Variants in LRP12 observed in about 807,000 individuals in gnomAD.
The protein encoded by LRP12 is LDL receptor related protein 12.
In LRP12, 14 loss-of-function variants were observed where a neutral mutation model predicts 66.0. The observed-to-expected ratio is 0.21, with a 90% confidence interval of 0.14 to 0.33. The LOEUF is 0.33. LRP12 is among the 10% of genes least tolerant of loss of function. The probability of loss-of-function intolerance (pLI) is 1.00; values close to 1 mark genes in which losing one functional copy is unlikely to be tolerated. For missense variants in LRP12, 889 were observed against 1,053.4 expected, an observed-to-expected ratio of 0.84 and a Z score of 2.16; for synonymous variants, 357 against 359.1, an observed-to-expected ratio of 0.99 and a Z score of 0.07.
intron 2 of LRP12, among the ~76,000 whole-genome samples, chr8:104,527,342 A>G (rs1811253958): frequency 6.7e-6 from 1 of 149,716 alleles, no homozygotes; most frequent in Non-Finnish European, 1.5e-5. Flanking sequence ...GTATATACTC[A>G]AAGGACTATA....
At chr8:104,534,227 GA>G (rs1811365278) in intron 1 of LRP12, among the ~76,000 whole-genome samples, 1 of 151,982 alleles carries the variant, frequency 6.6e-6, no homozygotes, top group African/African-American at 2.4e-5. Flanking sequence ...AGTAAAGTAT[GA>G]TTTAATTTTA....
chr8:104,540,557 C>T (rs1045886378), intron 1 of LRP12, among the ~76,000 whole-genome samples: 1 of 151,998 alleles, frequency 6.6e-6, no homozygotes, highest in Non-Finnish European at 1.5e-5. Context: ...AGATATTTTC[C>T]TGATTGATTT....
chr8:104,554,801 T>C (rs1019346293), intron 1 of LRP12, among the ~76,000 whole-genome samples: 5 of 152,118 alleles, frequency 3.3e-5, no homozygotes, highest in African/African-American at 1.2e-4. Context: ...CATAAAAAGA[T>C]CATCACCTAG....
chr8:104,531,345 G>T (rs1047064906), intron 2 of LRP12, among the ~76,000 whole-genome samples: 21 of 152,044 alleles, frequency 1.4e-4, no homozygotes, highest in African/African-American at 5.1e-4. Flanking sequence ...AAGTCTTTAA[G>T]TAATTATAAA....
At chr8:104,550,646 A>G (rs1811711598) in intron 1 of LRP12, among the ~76,000 whole-genome samples, 2 of 151,912 alleles carry the variant, frequency 1.3e-5, no homozygotes, top group Admixed American at 6.6e-5. Flanking sequence ...CCTTCCCTTC[A>G]TGCACTATAT....
intron 3 of LRP12, among the ~76,000 whole-genome samples, chr8:104,501,031 C>A (rs1431233134): frequency 2.6e-5 from 4 of 152,138 alleles, no homozygotes; most frequent in African/African-American, 9.7e-5. Context: ...AGATTGAAAT[C>A]CTTTTCCAAT....
At chr8:104,498,673 T>C (rs555162287) in intron 4 of LRP12, among the ~76,000 whole-genome samples, 2 of 152,328 alleles carry the variant, frequency 1.3e-5, no homozygotes, top group East Asian at 1.9e-4. Context: ...CTATTGAGAA[T>C]AGTGCTGCAA....
At chr8:104,555,710 A>C (rs545648595) in intron 1 of LRP12, among the ~76,000 whole-genome samples, 1 of 152,288 alleles carries the variant, frequency 6.6e-6, no homozygotes, top group South Asian at 2.1e-4. Flanking sequence ...ACACAATATT[A>C]GTGGCAGACT....
At chr8:104,511,950 A>AAG (rs1353686012) in intron 2 of LRP12, among the ~76,000 whole-genome samples, 2 of 152,092 alleles carry the variant, frequency 1.3e-5, no homozygotes, top group African/African-American at 4.8e-5. Flanking sequence ...CCCTTACAAA[A>AAG]AAGTTTTAAT....
intron 1 of LRP12, among the ~76,000 whole-genome samples, chr8:104,555,336 G>A (rs2140883368): frequency 6.6e-6 from 1 of 152,224 alleles, no homozygotes; most frequent in East Asian, 1.9e-4. Context: ...AACATCGAAG[G>A]TAAATGGCCT....
In LRP12 at chr8:104,589,152, G is replaced by GGGGCAA. The variant is rs1812395421; in HGVS notation, c.-261_-256dup. 1.0e-5 allele frequency: 2 copies of GGGGCAA among 199,362 alleles called. 1 individual carries two copies. Among genetic ancestry groups the GGGGCAA allele is most frequent in the Non-Finnish European group, 2.0e-5 (2 of 99,694 alleles). The allele number at this position is 199,362 out of a possible 1,614,324, so 12.3% of individuals were successfully genotyped here. ...AGCCCCACGCGGGGCGGCCCTCCTG[G>GGGGCAA]GGGCAAGGGCAAGGAGCTCGCGCGC... On this transcript the variant is annotated 5_prime_UTR_variant, in exon 1 of 7. Transcript: ENST00000276654.
chr8:104,582,635 G>A (rs1055927146), intron 1 of LRP12, among the ~76,000 whole-genome samples: 6 of 152,070 alleles, frequency 3.9e-5, no homozygotes, highest in Non-Finnish European at 7.4e-5. Flanking sequence ...CAAAATGACT[G>A]CCCTCAGAAC....
chr8:104,499,619 G>T, intron 3 of LRP12, 100 bp from the exon 4 acceptor site: 1 of 699,738 alleles, frequency 1.4e-6, no homozygotes, highest in Non-Finnish European at 2.3e-6. Flanking sequence ...TCCATATACT[G>T]ACTGATTCTC....
At chr8:104,540,621 C>T (rs1226495921) in intron 1 of LRP12, among the ~76,000 whole-genome samples, 2 of 152,062 alleles carry the variant, frequency 1.3e-5, no homozygotes, top group Admixed American at 6.6e-5. Flanking sequence ...TGTGGCCATC[C>T]ATTATGTATT....
intron 3 of LRP12, chr8:104,504,231 T>C (rs1241779477): frequency 1.3e-5 from 2 of 152,214 alleles, no homozygotes; most frequent in East Asian, 3.9e-4. Flanking sequence ...ACTTTTGCTC[T>C]TTTTATCTTC....
At chr8:104,548,164 T>C (rs1378825138) in intron 1 of LRP12, among the ~76,000 whole-genome samples, 1 of 45,638 alleles carries the variant, frequency 2.2e-5, no homozygotes, top group Non-Finnish European at 3.6e-5. Flanking sequence ...TAATAATTAT[T>C]ATATATAATA....
intron 1 of LRP12, among the ~76,000 whole-genome samples, chr8:104,562,689 GCCAT>G (rs1437917519): frequency 1.3e-5 from 2 of 151,892 alleles, no homozygotes; most frequent in Non-Finnish European, 2.9e-5. Flanking sequence ...AATTTTATTA[GCCAT>G]CCAATTACTG....
intron 1 of LRP12, among the ~76,000 whole-genome samples, chr8:104,562,029 G>T (rs1256303450): frequency 6.6e-6 from 1 of 151,916 alleles, no homozygotes; most frequent in Non-Finnish European, 1.5e-5. Context: ...GTCTTAAGAG[G>T]GTATATAATC....
chr8:104,544,486 G>C (rs1034842591), intron 1 of LRP12, among the ~76,000 whole-genome samples: 2 of 152,184 alleles, frequency 1.3e-5, no homozygotes, highest in African/African-American at 2.4e-5. Context: ...CCTAGCGAGA[G>C]AGAAGATATC....
Sources: gnomAD v4.1 joint callset for allele counts (sites outside exome capture counted in the v4.1 genomes callset) on GRCh38, gnomAD v4.1.1 for gene constraint, MANE v1.5 for transcripts, NCBI Gene and HGNC (gene_info 2026-07-23, HGNC 2026-07-21) for gene names.